Variants in ADAM2 observed in about 807,000 individuals in gnomAD.
ADAM2 encodes the protein disintegrin and metalloproteinase domain-containing protein 2.
Under a neutral mutation model 99.3 loss-of-function variants are expected in ADAM2, and 101 were observed. That is an observed-to-expected ratio of 1.02 (90% CI 0.87 to 1.20). The LOEUF (loss-of-function observed/expected upper bound fraction) is 1.20, where lower values mean the gene tolerates loss of function less well. ADAM2 is among the 50% of genes most tolerant of loss of function. The pLI is 0.00. For missense variants in ADAM2, 948 were observed against 878.7 expected (o/e 1.08, Z -1.00); for synonymous variants, 323 against 287.6 (o/e 1.12, Z -1.25).
intron 7 of ADAM2, among the ~76,000 whole-genome samples, chr8:39,791,317 A>G (rs753451625): frequency 6.6e-6 from 1 of 152,080 alleles, no homozygotes; most frequent in Admixed American, 6.6e-5. Context: ...CCTGATGCTA[A>G]CAAGTCTATT....
intron 12 of ADAM2, among the ~76,000 whole-genome samples, chr8:39,768,915 A>G (rs1315588884): frequency 6.6e-6 from 1 of 152,166 alleles, no homozygotes; most frequent in Non-Finnish European, 1.5e-5. Flanking sequence ...AGTTAACAAT[A>G]TTGTATCATA....
intron 2 of ADAM2, among the ~76,000 whole-genome samples, chr8:39,835,236 A>G (rs552765095): frequency 6.6e-6 from 1 of 152,244 alleles, no homozygotes; most frequent in East Asian, 1.9e-4. Context: ...CAATCACTCT[A>G]TGCTTAAGCT....
At chr8:39,745,524 G>C (rs563006273) in intron 19 of ADAM2, among the ~76,000 whole-genome samples, 6 of 151,888 alleles carry the variant, frequency 4.0e-5, no homozygotes, top group Admixed American at 6.6e-5. Context: ...AAATAAACCA[G>C]TTTTAATGTT....
chr8:39,796,129 G>A (rs1401773773), intron 7 of ADAM2, among the ~76,000 whole-genome samples: 1 of 151,272 alleles, frequency 6.6e-6, no homozygotes, highest in Non-Finnish European at 1.5e-5. Flanking sequence ...TTATTACATA[G>A]GTATATGTGT....
chr8:39,811,873 A>C (rs921930176), intron 6 of ADAM2, among the ~76,000 whole-genome samples: 1 of 152,234 alleles, frequency 6.6e-6, no homozygotes, highest in African/African-American at 2.4e-5. Context: ...GGCACAAGAC[A>C]GGGATGTCCT....
chr8:39,801,041 A>G (rs931632370), intron 7 of ADAM2, among the ~76,000 whole-genome samples: 3 of 152,140 alleles, frequency 2.0e-5, no homozygotes, highest in Non-Finnish European at 4.4e-5. Context: ...CCTCTGTGCC[A>G]GTTCTGTGCC....
In ADAM2 at chr8:39,801,773, G is replaced by A. The variant is rs140007485; in HGVS notation, c.570+7637C>T. 4.9e-3 allele frequency among the ~76,000 whole-genome samples: 749 copies of A among 152,224 alleles called. 4 individuals are homozygous for A. Among genetic ancestry groups the A allele is most frequent in the African/African-American group, 0.017 (714 of 41,548 alleles). On this transcript the variant is annotated intron_variant, in intron 7 of 20. Transcript: ENST00000265708. Reference sequence around the variant, plus strand: ...CACTGAGGAGGATGTGTCAGGATTAGACCTAGAGAGGCACGCTGGCCGCAT... The same window carrying A: ...CACTGAGGAGGATGTGTCAGGATTAAACCTAGAGAGGCACGCTGGCCGCAT...
intron 12 of ADAM2, 112 bp downstream of exon 12, chr8:39,769,280 C>T: frequency 1.3e-6 from 1 of 764,216 alleles, no homozygotes; most frequent in South Asian, 1.8e-5. Context: ...CCTCCTGAAT[C>T]ATTTGCAGAA....
chr8:39,780,497 C>G (rs922765353), intron 10 of ADAM2, among the ~76,000 whole-genome samples: 2 of 152,114 alleles, frequency 1.3e-5, no homozygotes, highest in Non-Finnish European at 2.9e-5. Context: ...ATTTGCATTT[C>G]TACCAGACAA....
At chr8:39,826,045 G>C (rs902118340) in intron 3 of ADAM2, among the ~76,000 whole-genome samples, 2 of 152,006 alleles carry the variant, frequency 1.3e-5, no homozygotes, top group East Asian at 3.9e-4. Flanking sequence ...TTTATTTGCT[G>C]TTTTCCTTCA....
chr8:39,784,929 C>T (rs1385194638), intron 10 of ADAM2, among the ~76,000 whole-genome samples: 1 of 152,020 alleles, frequency 6.6e-6, no homozygotes, highest in Non-Finnish European at 1.5e-5. Context: ...ATTGTTTCAC[C>T]ACCTTATAGA....
intron 14 of ADAM2, among the ~76,000 whole-genome samples, chr8:39,762,692 G>GA (rs1305884076): frequency 6.6e-6 from 1 of 151,982 alleles, no homozygotes; most frequent in African/African-American, 2.4e-5. Context: ...CCCTGAAAAA[G>GA]AAAAAAATTC....
In ADAM2 at chr8:39,755,727, C is replaced by T. The variant is rs1201764655; in HGVS notation, c.1797+1G>A. 6.2e-7 allele frequency: 1 copy of T among 1,608,522 alleles called. No homozygotes were observed. The highest frequency in any genetic ancestry group is 2.2e-5 in the East Asian group (1 of 44,740). On this transcript the variant is annotated splice_donor_variant, in intron 16 of 20. Coordinates refer to ENST00000265708, the MANE Select transcript of ADAM2 (RefSeq NM_001464.5). LOFTEE classifies it high-confidence loss of function. ...TTATTTGGGAATAAAAGACTACCTACCTTATTTGAACCACAAGAAGTTCCA... is the reference window on the plus strand; with the variant it reads ...TTATTTGGGAATAAAAGACTACCTATCTTATTTGAACCACAAGAAGTTCCA...
chr8:39,749,336 C>A lies in ADAM2; in HGVS notation c.1990G>T (p.Val664Leu). 6.2e-7 allele frequency: 1 copy of A among 1,612,784 alleles called. No individual in the cohort carries two copies. Among genetic ancestry groups the A allele is most frequent in the South Asian group, 1.1e-5 (1 of 90,946 alleles). Reference sequence around the variant, plus strand: ...CCAGGGAGTCTGGCTGGTATAGCTACAGGTGGAAAATTGCCACTGTCAATA... The same window carrying A: ...CCAGGGAGTCTGGCTGGTATAGCTAAAGGTGGAAAATTGCCACTGTCAATA... ...GSIDSGNFPP[V>L]AIPARLPERR... Residue 664 changes from valine to leucine, a missense_variant, in exon 18 of 21, where the codon GTA becomes TTA. Physicochemically the swap from Val to Leu is conservative, Grantham distance 32. Transcript: ENST00000265708.
At position 39,777,044 on chromosome 8, in the gene ADAM2, T is replaced by C. The variant is rs1258347755; in HGVS notation, c.1009A>G (p.Ile337Val). The change falls in exon 11 of 21, where the codon ATT (isoleucine) becomes GTT (valine). Residue 337 changes from isoleucine (I) to valine (V), a missense_variant. Ile to Val is a conservative substitution (Grantham distance 29, BLOSUM62 3). Transcript: ENST00000265708. ...TCTTACATTGCTTCTGGATTCATAA[T>C]GCAGACAGCTCCTGAGCACTGGCAT... ...NKCQCSGAVC[I>V]MNPEAIHFSG... is the part of the protein sequence containing the mutation. 6.3e-7 allele frequency: 1 copy of C among 1,586,928 alleles called. No individual in the cohort carries two copies. The highest frequency in any genetic ancestry group is 8.6e-7 in the Non-Finnish European group (1 of 1,156,238).
intron 16 of ADAM2, among the ~76,000 whole-genome samples, chr8:39,754,505 A>G (rs1802074348): frequency 6.6e-6 from 1 of 152,256 alleles, no homozygotes. Flanking sequence ...TTTAAAATGT[A>G]AGATAGTCTT....
intron 9 of ADAM2, among the ~76,000 whole-genome samples, 194 bp from the exon 10 acceptor site, chr8:39,787,249 A>G (rs1274143394): frequency 1.3e-5 from 2 of 151,866 alleles, no homozygotes; most frequent in African/African-American, 4.8e-5. Flanking sequence ...AGTGTATTTT[A>G]TATGGATTTC....
intron 14 of ADAM2, among the ~76,000 whole-genome samples, chr8:39,763,025 G>T (rs1802431078): frequency 1.3e-5 from 2 of 152,264 alleles, no homozygotes; most frequent in South Asian, 4.1e-4. Flanking sequence ...TCTCATGACA[G>T]ATGAAAGCCA....
At chr8:39,807,305 G>C (rs1173479197) in intron 7 of ADAM2, among the ~76,000 whole-genome samples, 3 of 152,136 alleles carry the variant, frequency 2.0e-5, no homozygotes, top group Admixed American at 6.5e-5. Context: ...TTTTGCCTCA[G>C]TATGAATTGT....
Sources: allele counts gnomAD v4.1 joint callset (sites outside exome capture counted in the v4.1 genomes callset), GRCh38; gene constraint gnomAD v4.1.1; transcripts MANE v1.5; gene names NCBI Gene and HGNC (gene_info 2026-07-23, HGNC 2026-07-21).